The following GRAMD2B variants were observed in gnomAD, a reference collection of about 807,000 sequenced individuals.
GRAMD2B encodes the protein GRAM domain-containing protein 2B.
A neutral mutation model predicts 59.2 loss-of-function variants in GRAMD2B; 41 were observed. The ratio of observed to expected loss-of-function variants is 0.69; its 90% confidence interval spans 0.54 to 0.90. The LOEUF (loss-of-function observed/expected upper bound fraction) is 0.90, where lower values mean the gene tolerates loss of function less well. Ranked by LOEUF, GRAMD2B falls within the 40% of genes least tolerant of loss-of-function variation. GRAMD2B has a pLI of 0.00. For missense variants in GRAMD2B, 424 were observed against 500.5 expected (o/e 0.85, Z 1.46); for synonymous variants, 161 against 182.7 (o/e 0.88, Z 0.96).
rs1580692968 is a variant in GRAMD2B, at chr5:126,375,564, G to T, written c.125+3997G>T. On this transcript the variant is annotated intron_variant, in intron 1 of 8. Coordinates refer to the GRAMD2B transcript ENST00000506445. ...TTTTTGTATTTTTAATAGAGACAGGGTTTCACCATGTTAGCCAGGATGGTC... is the reference window on the plus strand; with the variant it reads ...TTTTTGTATTTTTAATAGAGACAGGTTTTCACCATGTTAGCCAGGATGGTC... Among the ~76,000 whole-genome samples, 3 of 152,052 alleles carry T rather than the reference G, an allele frequency of 2.0e-5. No individual in the cohort carries two copies. The East Asian group carries it at 5.8e-4, about 29-fold the overall frequency.
chr5:126,369,266 C>T (rs1017713434), upstream of GRAMD2B, among the ~76,000 whole-genome samples: 5 of 103,206 alleles, frequency 4.8e-5, no homozygotes, highest in Non-Finnish European at 9.6e-5. Context: ...TCAATAAATA[C>T]TTGTTGAATG....
rs1459014768 is a variant in GRAMD2B, at chr5:126,423,628, G to A, written c.22G>A (p.Val8Met). Residue 8 changes from valine to methionine, a missense_variant, in exon 1 of 14, where the codon GTG becomes ATG. Physicochemically the swap from Val to Met is conservative, Grantham distance 21. Coordinates refer to ENST00000285689, the MANE Select transcript of GRAMD2B (RefSeq NM_023927.4). ...CCCGATGACTGAACTACAGCAAGAT[G>A]TGGAAGACACAAAGCCTGCGAAAGT... MTELQQD[V>M]EDTKPAKVLG... The A allele has an allele frequency of 1.9e-6, 3 of 1,612,554 alleles. No individual in the cohort carries two copies. Among genetic ancestry groups the A allele is most frequent in the African/African-American group, 1.3e-5 (1 of 74,840 alleles).
At chr5:126,388,520 T>A (rs1756393048) in intron 1 of GRAMD2B, among the ~76,000 whole-genome samples, 1 of 152,064 alleles carries the variant, frequency 6.6e-6, no homozygotes, top group South Asian at 2.1e-4. Flanking sequence ...CAAGAAGCTA[T>A]CATTATGCTA....
At chr5:126,374,437 T>C (rs947108771) in intron 1 of GRAMD2B, among the ~76,000 whole-genome samples, 5 of 152,218 alleles carry the variant, frequency 3.3e-5, no homozygotes, top group East Asian at 3.8e-4. Context: ...TCTTTTGAGA[T>C]AGTTTTTTAA....
chr5:126,451,191 G>A (rs914779414), intron 1 of GRAMD2B, among the ~76,000 whole-genome samples: 3 of 152,252 alleles, frequency 2.0e-5, no homozygotes, highest in African/African-American at 7.2e-5. Context: ...CCTTGCACCA[G>A]TGAGCTCCAT....
intron 1 of GRAMD2B, chr5:126,462,359 C>T (rs1014581064): frequency 2.1e-6 from 2 of 954,990 alleles, no homozygotes; most frequent in Admixed American, 6.2e-5. Context: ...CATTTCCCCT[C>T]CCACGCTGCT....
At chr5:126,443,761 A>G (rs1392642990) in intron 1 of GRAMD2B, among the ~76,000 whole-genome samples, 6 of 152,204 alleles carry the variant, frequency 3.9e-5, no homozygotes, top group Admixed American at 3.9e-4. Flanking sequence ...TAAAACATAC[A>G]GAGGCCAGCT....
intron 1 of GRAMD2B, among the ~76,000 whole-genome samples, chr5:126,388,469 G>A (rs1756385315): frequency 6.6e-6 from 1 of 151,932 alleles, no homozygotes; most frequent in Admixed American, 6.6e-5. Flanking sequence ...ATGCCAGTAA[G>A]TGAGATGTTA....
At chr5:126,468,108 TTCATAA>T (rs1478162727) in intron 2 of GRAMD2B, among the ~76,000 whole-genome samples, 2 of 152,232 alleles carry the variant, frequency 1.3e-5, no homozygotes, top group Admixed American at 6.5e-5. Flanking sequence ...TTAAAGCAAC[TTCATAA>T]TCATAAAACT....
chr5:126,444,177 G>A (rs752828391), intron 1 of GRAMD2B, among the ~76,000 whole-genome samples: 4 of 152,178 alleles, frequency 2.6e-5, no homozygotes, highest in Non-Finnish European at 4.4e-5. Context: ...GCACACTGTG[G>A]TAGGGGCCAG....
intron 1 of GRAMD2B, among the ~76,000 whole-genome samples, chr5:126,406,559 C>T (rs1051315218): frequency 6.6e-6 from 1 of 151,802 alleles, no homozygotes; most frequent in Non-Finnish European, 1.5e-5. Context: ...CCTATCTAAA[C>T]TTTTAAATAG....
At chr5:126,396,264 T>C (rs1036680157) in intron 1 of GRAMD2B, among the ~76,000 whole-genome samples, 2 of 152,198 alleles carry the variant, frequency 1.3e-5, no homozygotes, top group African/African-American at 4.8e-5. Flanking sequence ...TGTACAATTA[T>C]GTTGTCACCC....
At chr5:126,449,494 A>G (rs1764934269) in intron 1 of GRAMD2B, among the ~76,000 whole-genome samples, 1 of 151,078 alleles carries the variant, frequency 6.6e-6, no homozygotes, top group Non-Finnish European at 1.5e-5. Context: ...AAACCTCACA[A>G]TCTGAAATAC....
At chr5:126,425,117 T>C (rs144169437) in intron 1 of GRAMD2B, among the ~76,000 whole-genome samples, 187 of 152,324 alleles carry the variant, frequency 1.2e-3, no homozygotes, top group African/African-American at 3.7e-3. Flanking sequence ...ATGCACATCT[T>C]TTATAGCCAA....
At chr5:126,420,623 T>C (rs1759642962), upstream of GRAMD2B, among the ~76,000 whole-genome samples, 2 of 152,236 alleles carry the variant, frequency 1.3e-5, no homozygotes, top group Non-Finnish European at 2.9e-5. Flanking sequence ...AAGCCCATGC[T>C]AAGACTGCTT....
intron 1 of GRAMD2B, among the ~76,000 whole-genome samples, chr5:126,361,200 A>G (rs1754201408): frequency 6.6e-6 from 1 of 152,232 alleles, no homozygotes; most frequent in African/African-American, 2.4e-5. Flanking sequence ...AAGGGTTGTT[A>G]GGCTTAGCCC....
chr5:126,417,566 G>C (rs1035096814), intron 1 of GRAMD2B, among the ~76,000 whole-genome samples: 4 of 152,218 alleles, frequency 2.6e-5, no homozygotes, highest in Non-Finnish European at 5.9e-5. Context: ...GTGATCACAA[G>C]TGACAACCAT....
intron 1 of GRAMD2B, among the ~76,000 whole-genome samples, chr5:126,449,444 A>G (rs1764926684): frequency 1.3e-5 from 2 of 152,216 alleles, no homozygotes; most frequent in South Asian, 2.1e-4. Flanking sequence ...CCAAATACAG[A>G]TAAGAGACAT....
At chr5:126,389,238 C>A (rs1333319268) in intron 1 of GRAMD2B, among the ~76,000 whole-genome samples, 1 of 152,218 alleles carries the variant, frequency 6.6e-6, no homozygotes, top group Non-Finnish European at 1.5e-5. Context: ...TGAATCACCT[C>A]ATCTGTGAAG....
Sources: gnomAD v4.1 joint callset for allele counts (sites outside exome capture counted in the v4.1 genomes callset) on GRCh38, gnomAD v4.1.1 for gene constraint, MANE v1.5 for transcripts, NCBI Gene and HGNC (gene_info 2026-07-23, HGNC 2026-07-21) for gene names.